Variants in PRLR observed in about 807,000 individuals in gnomAD.
The protein encoded by PRLR is hPRL receptor.
PRLR carries 13 observed loss-of-function variants against 40.2 expected under a neutral mutation model. The observed-to-expected ratio is 0.32, with a 90% CI of 0.21 to 0.51. PRLR has a LOEUF of 0.51. PRLR is among the 20% of genes least tolerant of loss of function. The pLI is 0.97. For synonymous variants in PRLR, 269 were observed against 278.7 expected (o/e 0.97, Z 0.35); for missense variants, 656 against 747.3 (o/e 0.88, Z 1.42).
intron 1 of PRLR, among the ~76,000 whole-genome samples, chr5:35,126,519 G>C (rs1325933331): frequency 6.6e-6 from 1 of 152,042 alleles, no homozygotes. Context: ...GTGTTACTGT[G>C]TGTGAATATT....
downstream of PRLR, among the ~76,000 whole-genome samples, chr5:35,055,308 T>C (rs553148023): frequency 2.6e-5 from 4 of 152,300 alleles, no homozygotes; most frequent in South Asian, 8.3e-4. Flanking sequence ...TTTTGATTGT[T>C]CTTTGTTGTT....
chr5:35,228,053 C>T (rs1030506971), intron 1 of PRLR, among the ~76,000 whole-genome samples: 15 of 152,202 alleles, frequency 9.9e-5, no homozygotes, highest in African/African-American at 2.4e-4. Context: ...TAGACCAGAA[C>T]TAATTTTACT....
intron 1 of PRLR, among the ~76,000 whole-genome samples, chr5:35,220,933 C>T (rs964954206): frequency 6.6e-6 from 1 of 152,234 alleles, no homozygotes. Context: ...TTGGCTGGAC[C>T]CTGGATAACT....
intron 5 of PRLR, among the ~76,000 whole-genome samples, chr5:35,079,791 T>G (rs1006900859): frequency 4.6e-5 from 7 of 152,112 alleles, no homozygotes; most frequent in Non-Finnish European, 8.8e-5. Context: ...CAAACTATAC[T>G]ACAAGGCTAC....
chr5:35,223,949 T>G (rs543928199), intron 1 of PRLR, among the ~76,000 whole-genome samples: 77 of 152,336 alleles, frequency 5.1e-4, no homozygotes, highest in African/African-American at 1.7e-3. Context: ...TTTCTTAAAT[T>G]GTTATCTTCC....
rs574099154 is a variant in PRLR, at chr5:35,167,571, A to G, written c.-105-49449T>C. 2.0e-5 allele frequency among the ~76,000 whole-genome samples: 3 copies of G among 152,240 alleles called. No homozygotes were observed. The East Asian group carries it at 5.8e-4, about 29-fold the overall frequency. ...ATGTGGGAAAAAAGAAAGTTCATTG[A>G]AAACAGTAAATATAGGGTACATTTT... On this transcript the variant is annotated intron_variant, in intron 1 of 9. Transcript: ENST00000618457.
chr5:35,115,913 C>G (rs957923076), intron 2 of PRLR, among the ~76,000 whole-genome samples: 5 of 152,134 alleles, frequency 3.3e-5, no homozygotes, highest in Non-Finnish European at 7.4e-5. Flanking sequence ...TTAATCCCCT[C>G]TTTTAAGGAG....
intron 1 of PRLR, among the ~76,000 whole-genome samples, chr5:35,213,809 A>C (rs1364313406): frequency 1.3e-5 from 2 of 152,050 alleles, no homozygotes; most frequent in Non-Finnish European, 2.9e-5. Flanking sequence ...GAGTCACAAA[A>C]CCCATATCAT....
At chr5:35,222,217 A>T (rs1293979108) in intron 1 of PRLR, among the ~76,000 whole-genome samples, 1 of 152,004 alleles carries the variant, frequency 6.6e-6, no homozygotes, top group Non-Finnish European at 1.5e-5. Flanking sequence ...GCAGGAGACT[A>T]GCTTGAACCC....
At chr5:35,094,703 C>T (rs560749746) in intron 2 of PRLR, among the ~76,000 whole-genome samples, 4 of 152,192 alleles carry the variant, frequency 2.6e-5, no homozygotes, top group East Asian at 3.9e-4. Flanking sequence ...GGGCTTCCTT[C>T]GGGGTCCTTG....
chr5:35,065,187 C>A lies in PRLR; in HGVS notation c.1771G>T (p.Ala591Ser), dbSNP rs765841723. Reference protein sequence around the residue: ...PSLEQNQAEKALANFTATSSK... With the variant: ...PSLEQNQAEKSLANFTATSSK... ...GATGTTGCAGTGAAGTTGGCCAGGG[C>A]TTTCTCAGCTTGATTCTGTTCAAGT... The change falls in exon 10 of 10, where the codon GCC (alanine) becomes TCC (serine). Residue 591 changes from alanine to serine, a missense_variant. Physicochemically the swap from Ala to Ser is moderately conservative, Grantham distance 99 (BLOSUM62 1). Transcript: ENST00000618457. 1.5e-5 allele frequency: 25 copies of A among 1,614,180 alleles called. No homozygotes were observed. In the South Asian group the frequency reaches 2.6e-4, roughly 17 times the overall value.
At chr5:35,201,486 C>G (rs918424472) in intron 1 of PRLR, among the ~76,000 whole-genome samples, 1 of 152,164 alleles carries the variant, frequency 6.6e-6, no homozygotes, top group Non-Finnish European at 1.5e-5. Context: ...ACTTGCAGGA[C>G]CTGTCTGTCC....
At chr5:35,217,501 T>C (rs1285785804) in intron 1 of PRLR, among the ~76,000 whole-genome samples, 3 of 152,088 alleles carry the variant, frequency 2.0e-5, no homozygotes, top group African/African-American at 4.8e-5. Flanking sequence ...CACTAAAGAG[T>C]CACTGCTACT....
rs142657660 is a variant in PRLR at position 35,201,955 on chromosome 5, C to T, written c.-106+28313G>A. ...GGAAGGGAATCTTTACTCACCAATA[C>T]CAACGTAAGTAGAATGCAGACAAAT... On this transcript the variant is annotated intron_variant, in intron 1 of 9. Coordinates refer to ENST00000618457, the MANE Select transcript of PRLR (RefSeq NM_000949.7). Among the ~76,000 whole-genome samples, 26 of 152,232 alleles carry T rather than the reference C, an allele frequency of 1.7e-4. No homozygotes were observed. The East Asian group carries it at 5.0e-3, about 29-fold the overall frequency.
intron 1 of PRLR, among the ~76,000 whole-genome samples, chr5:35,177,047 A>G (rs1164136424): frequency 2.0e-5 from 3 of 152,210 alleles, no homozygotes; most frequent in Non-Finnish European, 4.4e-5. Flanking sequence ...ATCTAAAAGC[A>G]CAGCACTTAA....
At chr5:35,201,417 T>A (rs1402437633) in intron 1 of PRLR, among the ~76,000 whole-genome samples, 1 of 152,226 alleles carries the variant, frequency 6.6e-6, no homozygotes, top group African/African-American at 2.4e-5. Context: ...AAGTGTAAAG[T>A]AAGAAGACAG....
chr5:35,101,793 T>C (rs1382738707), intron 2 of PRLR, among the ~76,000 whole-genome samples: 1 of 148,274 alleles, frequency 6.7e-6, no homozygotes, highest in Admixed American at 6.8e-5. Context: ...AACATATATA[T>C]AACTTATAAA....
At chr5:35,050,418 T>C (rs975797866) in intron 8 of PRLR, among the ~76,000 whole-genome samples, 1 of 152,224 alleles carries the variant, frequency 6.6e-6, no homozygotes, top group Admixed American at 6.5e-5. Context: ...AAGTGACACC[T>C]GCTGAGTCTC....
At chr5:35,213,024 G>T (rs1776208384) in intron 1 of PRLR, among the ~76,000 whole-genome samples, 1 of 152,210 alleles carries the variant, frequency 6.6e-6, no homozygotes. Flanking sequence ...ACAGAAGAAA[G>T]ATTCCAGAGT....
Sources: allele counts gnomAD v4.1 joint callset (sites outside exome capture counted in the v4.1 genomes callset), GRCh38; gene constraint gnomAD v4.1.1; transcripts MANE v1.5; gene names NCBI Gene and HGNC (gene_info 2026-07-23, HGNC 2026-07-21).